Variants in SH3D21 observed in about 807,000 individuals in gnomAD.
SH3D21 encodes the protein manchette microtubule inner protein 1.
Under a neutral mutation model 82.1 loss-of-function variants are expected in SH3D21, and 83 were observed. The ratio of observed to expected loss-of-function variants is 1.01; its 90% CI spans 0.85 to 1.21. The LOEUF is 1.21. SH3D21 is among the 50% of genes most tolerant of loss of function. The pLI is 0.00. For missense variants in SH3D21, 980 were observed against 962.1 expected (o/e 1.02, Z -0.25); for synonymous variants, 383 against 387.8 (o/e 0.99, Z 0.15).
At chr1:36,318,404 A>C (rs1230358413) in intron 10 of SH3D21, among the ~76,000 whole-genome samples, 1 of 152,144 alleles carries the variant, frequency 6.6e-6, no homozygotes, top group Admixed American at 6.6e-5. Context: ...GGAGTCATTG[A>C]CTTATTGATG....
rs1370443902 is a variant in SH3D21 at position 36,308,415 on chromosome 1, A to T, written c.666A>T (p.Glu222Asp). Reference protein sequence around the residue: ...SKTTEDKGWWEGECQGRRGVF... With the variant: ...SKTTEDKGWWDGECQGRRGVF... The stretch of plus-strand genomic sequence containing the variant: ...CCACAGAGGATAAGGGCTGGTGGGA[A>T]GGAGAGTGTCAAGGACGAAGAGGAG... Residue 222 changes from glutamate to aspartate, a missense_variant, in exon 9 of 16, where the codon GAA (glutamate) becomes GAT (aspartate). Glu to Asp is a conservative substitution (Grantham distance 45). Transcript: ENST00000453908. 2 of 1,551,908 alleles carry T rather than the reference A, an allele frequency of 1.3e-6. No individual in the cohort carries two copies. The highest frequency in any genetic ancestry group is 3.3e-4 in the Middle Eastern group (2 of 5,994).
At chr1:36,322,446 G>A, downstream of SH3D21, 1 of 1,604,360 alleles carries the variant, frequency 6.2e-7, no homozygotes, top group East Asian at 2.2e-5. Flanking sequence ...CAGCTCCTCC[G>A]CCGACGTGAA....
chr1:36,328,282 G>A (rs528030402), downstream of SH3D21: 17 of 380,826 alleles, frequency 4.5e-5, no homozygotes, highest in African/African-American at 4.2e-5. Context: ...CTCTGCTCCC[G>A]GCCCCAGTGG....
intron 10 of SH3D21, among the ~76,000 whole-genome samples, chr1:36,313,967 A>ATTTTTTTTTTTTT (rs1207014644): frequency 7.0e-4 from 26 of 36,934 alleles, no homozygotes; most frequent in Non-Finnish European, 1.1e-3. Context: ...TGCTGAACAT[A>ATTTTTTTTTTTTT]TTTTCTTTTT....
At position 36,319,776 on chromosome 1, in the gene SH3D21, CCCCAGCTCCAAGAAGAT is replaced by C. The variant is rs1646412519; in HGVS notation, c.1117_1133del (p.Ser373GlyfsTer3). The C allele has an allele frequency of 6.2e-7, 1 of 1,613,296 alleles. No homozygotes were observed. Among genetic ancestry groups the C allele is most frequent in the African/African-American group, 1.3e-5 (1 of 74,822 alleles). Reference sequence around the variant, plus strand: ...AGAGGCCCCCAGCTCCAGAGAACGCCCCCAGCTCCAAGAAGATCCCGGCTCCTGACAAAGTCCCCTCC... The same window carrying C: ...AGAGGCCCCCAGCTCCAGAGAACGCCCCCGGCTCCTGACAAAGTCCCCTCC... On this transcript the variant is annotated frameshift_variant, in exon 14 of 16. Coordinates refer to ENST00000453908, the MANE Select transcript of SH3D21 (RefSeq NM_001162530.2). LOFTEE classifies it high-confidence loss of function.
rs1475740662 is a variant in SH3D21, at chr1:36,319,791, G to C, written c.1128G>C (p.Lys376Asn). ...CAGAGAACGCCCCCAGCTCCAAGAAGATCCCGGCTCCTGACAAAGTCCCCT... is the reference window on the plus strand; with the variant it reads ...CAGAGAACGCCCCCAGCTCCAAGAACATCCCGGCTCCTGACAAAGTCCCCT... ...PAPENAPSSK[K>N]IPAPDKVPSP... Residue 376 changes from lysine to asparagine, a missense_variant, in exon 14 of 16, where the codon AAG becomes AAC. Lys to Asn is a moderately conservative substitution (Grantham distance 94, BLOSUM62 0). Transcript: ENST00000453908. 4.3e-6 allele frequency: 7 copies of C among 1,613,558 alleles called. No homozygotes were observed. The African/African-American group carries it at 8.0e-5, about 18-fold the overall frequency.
intron 10 of SH3D21, among the ~76,000 whole-genome samples, chr1:36,314,464 CTTT>C (rs56283418): frequency 4.5e-5 from 6 of 132,864 alleles, no homozygotes; most frequent in Admixed American, 7.6e-5. Context: ...TTCTCCCATT[CTTT>C]TTTTTTTTTT....
Position 36,307,952 on chromosome 1 carries a change from A to G in SH3D21, c.527A>G (p.Tyr176Cys). ...CTGGCCTATGACAGCCCTCCAGACT[A>G]CCTGCAGACAGGTGAGCACCCATCC... ...SSLAYDSPPD[Y>C]LQTVSHPEVY... The change falls in exon 7 of 16, where the codon TAC (tyrosine) becomes TGC (cysteine). Residue 176 changes from tyrosine to cysteine, a missense_variant. Physicochemically the swap from Tyr to Cys is radical, Grantham distance 194. Coordinates refer to ENST00000453908, the MANE Select transcript of SH3D21 (RefSeq NM_001162530.2). The surrounding 1 kb of genome is among the most constrained non-coding windows in gnomAD (Gnocchi z 5.4). 1 of 1,551,528 alleles carries G rather than the reference A, an allele frequency of 6.4e-7. No individual in the cohort carries two copies. Among genetic ancestry groups the G allele is most frequent in the South Asian group, 1.2e-5 (1 of 84,048 alleles).
chr1:36,312,024 T>C (rs1171596240), intron 10 of SH3D21, among the ~76,000 whole-genome samples: 1 of 151,418 alleles, frequency 6.6e-6, no homozygotes, highest in Non-Finnish European at 1.5e-5. Flanking sequence ...ATAATTTTCT[T>C]TTTTTTTAAA....
At chr1:36,325,295 G>A (rs1447348577), downstream of SH3D21, among the ~76,000 whole-genome samples, 1 of 152,166 alleles carries the variant, frequency 6.6e-6, no homozygotes, top group East Asian at 1.9e-4. Context: ...GCCTCCCAAA[G>A]TGCTGGGATT....
downstream of SH3D21, among the ~76,000 whole-genome samples, chr1:36,325,153 C>G (rs1203092131): frequency 1.3e-5 from 2 of 152,094 alleles, no homozygotes; most frequent in African/African-American, 4.8e-5. Context: ...CCTCCCATCT[C>G]ATTCTCCCAA....
At position 36,306,979 on chromosome 1, in the gene SH3D21, T is replaced by A. The variant is rs1231054980; in HGVS notation, c.226+74T>A. 5 of 1,370,476 alleles carry A rather than the reference T, an allele frequency of 3.6e-6. No individual in the cohort carries two copies. In the South Asian group the frequency reaches 4.4e-5, roughly 12 times the overall value. The allele number at this position is 1,370,476 out of a possible 1,614,324, so 84.9% of individuals were successfully genotyped here. ...AGTGCGACCCCGGCGTCTCCGGCTC[T>A]TAGTGACGGGCGCGGCTCTGGGCGG... On this transcript the variant is annotated intron_variant, in intron 3 of 15. Coordinates refer to ENST00000453908, the MANE Select transcript of SH3D21 (RefSeq NM_001162530.2). The surrounding 1 kb of genome is among the most constrained non-coding windows in gnomAD (Gnocchi z 4.5).
At chr1:36,321,477 CGCCCG>C, downstream of SH3D21, 3 of 936,418 alleles carry the variant, frequency 3.2e-6, no homozygotes, top group Non-Finnish European at 4.1e-6. The surrounding 1 kb of genome is among the most constrained non-coding windows in gnomAD (Gnocchi z 6.1). Flanking sequence ...GGGCTCTTGA[CGCCCG>C]GCCTAGATTC....
intron 10 of SH3D21, among the ~76,000 whole-genome samples, chr1:36,318,685 A>G (rs957736063): frequency 6.6e-6 from 1 of 152,040 alleles, no homozygotes; most frequent in Non-Finnish European, 1.5e-5. Flanking sequence ...AGGCAGGTGG[A>G]TCACGAGATC....
At chr1:36,314,614 C>G (rs1010009011) in intron 10 of SH3D21, among the ~76,000 whole-genome samples, 1 of 151,944 alleles carries the variant, frequency 6.6e-6, no homozygotes, top group African/African-American at 2.4e-5. Context: ...CGCCACCACA[C>G]CCGGCTAATT....
In SH3D21 at chr1:36,306,927, G is replaced by A. The variant is rs1229216577; in HGVS notation, c.226+22G>A. 2.3e-6 allele frequency: 3 copies of A among 1,322,302 alleles called. No individual in the cohort carries two copies. The highest frequency in any genetic ancestry group is 9.2e-5 in the East Asian group (2 of 21,790). The allele number at this position is 1,322,302 out of a possible 1,614,324, so 81.9% of individuals were successfully genotyped here. A position where few individuals can be genotyped will look rare whatever the true frequency, so the allele number is the denominator to read the frequency against. On this transcript the variant is annotated intron_variant, in intron 3 of 15. Transcript: ENST00000453908. The surrounding 1 kb of genome is among the most constrained non-coding windows in gnomAD (Gnocchi z 4.5). Reference sequence around the variant, plus strand: ...CGAGGTGAGCGCAAGGGCGGGGACGGGCGCCGGTGGGCGGGTGCACGGAGC... The same window carrying A: ...CGAGGTGAGCGCAAGGGCGGGGACGAGCGCCGGTGGGCGGGTGCACGGAGC...
chr1:36,321,637 A>G (rs1646465766), downstream of SH3D21: 7 of 1,016,744 alleles, frequency 6.9e-6, no homozygotes, highest in Non-Finnish European at 8.3e-6. This position sits in a 1 kb window ranked among gnomAD's most constrained non-coding sequence, Gnocchi z 6.1. Context: ...TCCACCGTCC[A>G]GCCCAAGCAC....
At position 36,319,449 on chromosome 1, in the gene SH3D21, T is replaced by C. The variant is rs770728230; in HGVS notation, c.924T>C (p.Asn308=). The C allele has an allele frequency of 5.8e-6, 9 of 1,551,492 alleles. No individual in the cohort carries two copies. The South Asian group carries it at 1.1e-4, about 18-fold the overall frequency. The change falls in exon 13 of 16, where the codon AAT becomes AAC. Residue 308 remains asparagine (N), a synonymous_variant. Coordinates refer to ENST00000453908, the MANE Select transcript of SH3D21 (RefSeq NM_001162530.2). The part of the protein sequence containing the change: ...QKLTSRDSGP[N]GGFQSGGSYH... The stretch of plus-strand genomic sequence containing the variant: ...GAGGTTCTGCTCTCTTAGGCCCCAA[T>C]GGTGGCTTCCAAAGTGGGGGTTCGT...
chr1:36,307,464 C>A lies in SH3D21; in HGVS notation c.346-53C>A. ...GCAGAACCAAGGGTGGCAGATTATC[C>A]TAGGGACTCTTGGGGCAGAACCAGA... On this transcript the variant is annotated intron_variant, in intron 4 of 15. Transcript: ENST00000453908. The surrounding 1 kb of genome is among the most constrained non-coding windows in gnomAD (Gnocchi z 5.4). The A allele has an allele frequency of 1.3e-6, 2 of 1,539,670 alleles. No homozygotes were observed. The highest frequency in any genetic ancestry group is 2.4e-5 in the South Asian group (2 of 83,320).
Sources: allele counts gnomAD v4.1 joint callset (sites outside exome capture counted in the v4.1 genomes callset), GRCh38; gene constraint gnomAD v4.1.1; non-coding constraint Gnocchi (gnomAD v3.1); transcripts MANE v1.5; gene names NCBI Gene and HGNC (gene_info 2026-07-23, HGNC 2026-07-21).